Variants in PRKN observed in about 807,000 individuals in gnomAD.
The protein encoded by PRKN is parkin RBR E3 ubiquitin protein ligase.
In PRKN, 56 loss-of-function variants were observed where a neutral mutation model predicts 59.5. The observed-to-expected ratio is 0.94, with a 90% CI of 0.76 to 1.18. PRKN has a LOEUF of 1.18. PRKN is among the 50% of genes most tolerant of loss of function. The pLI, the probability that PRKN is intolerant of heterozygous loss-of-function variation, is 0.00. For missense variants in PRKN, 657 were observed against 596.4 expected (o/e 1.10, Z -1.06); for synonymous variants, 250 against 222.1 (o/e 1.13, Z -1.12).
At chr6:161,517,601 A>T (rs1487961444) in intron 9 of PRKN, among the ~76,000 whole-genome samples, 1 of 151,908 alleles carries the variant, frequency 6.6e-6, no homozygotes, top group African/African-American at 2.4e-5. Flanking sequence ...TTAGCCGGGC[A>T]TGGTGGCGGT....
At chr6:162,167,308 A>G (rs920960904) in intron 4 of PRKN, among the ~76,000 whole-genome samples, 4 of 152,182 alleles carry the variant, frequency 2.6e-5, no homozygotes, top group Non-Finnish European at 5.9e-5. Context: ...TGGATGGTAA[A>G]GCTGGAATGC....
intron 6 of PRKN, among the ~76,000 whole-genome samples, chr6:161,805,478 A>ACACACACACG (rs61442187): frequency 1.9e-4 from 29 of 149,474 alleles, no homozygotes; most frequent in African/African-American, 3.9e-4. Context: ...ACACACACAC[A>ACACACACACG]CATGCATGTA....
intron 3 of PRKN, among the ~76,000 whole-genome samples, chr6:162,214,770 G>T (rs577350811): frequency 6.6e-6 from 1 of 152,136 alleles, no homozygotes; most frequent in Non-Finnish European, 1.5e-5. Context: ...CTCTGAATTG[G>T]TCATGGTATC....
At position 161,460,424 on chromosome 6, in the gene PRKN, C is replaced by G. The variant is rs1236510712; in HGVS notation, c.1084-73547G>C. Among the ~76,000 whole-genome samples, 1 of 152,096 alleles carries G rather than the reference C, an allele frequency of 6.6e-6. No homozygotes were observed. Among genetic ancestry groups the G allele is most frequent in the East Asian group, 1.9e-4 (1 of 5,182 alleles). On this transcript the variant is annotated intron_variant, in intron 9 of 11. Coordinates refer to ENST00000366898, the MANE Select transcript of PRKN (RefSeq NM_004562.3). This position sits in a 1 kb window ranked among gnomAD's most constrained non-coding sequence, Gnocchi z 5.0. Reference sequence around the variant, plus strand: ...GATCTCTGGAATATAATGGGCTATACTTGGCATTGGAGTCATTTAGAAGGA... The same window carrying G: ...GATCTCTGGAATATAATGGGCTATAGTTGGCATTGGAGTCATTTAGAAGGA...
chr6:161,350,184 T>G lies in PRKN; in HGVS notation c.1313A>C (p.Gln438Pro). 6.2e-7 allele frequency: 1 copy of G among 1,613,588 alleles called. No individual in the cohort carries two copies. The highest frequency in any genetic ancestry group is 8.5e-7 in the Non-Finnish European group (1 of 1,179,898). ...NGGCMHMKCP[Q>P]PQCRLEWCWN... ...GCACCACTCGAGCCTGCACTGGGGC[T>G]GCGGACACTTCATGTGCATGCAGCC... Residue 438 changes from glutamine to proline, a missense_variant, in exon 12 of 12, where the codon CAG (glutamine) becomes CCG (proline). Transcript: ENST00000366898.
At chr6:161,366,982 CTTTTTT>C (rs57164972) in intron 10 of PRKN, among the ~76,000 whole-genome samples, 17 of 91,946 alleles carry the variant, frequency 1.8e-4, no homozygotes, top group Admixed American at 5.4e-4. Flanking sequence ...TTTTTGTTTC[CTTTTTT>C]TTTTTTTTTT....
At chr6:161,829,273 A>G (rs1233041886) in intron 6 of PRKN, among the ~76,000 whole-genome samples, 1 of 152,172 alleles carries the variant, frequency 6.6e-6, no homozygotes, top group African/African-American at 2.4e-5. Flanking sequence ...TAACAGCAGC[A>G]TAGTAAGAAG....
chr6:161,999,206 C>T (rs543294567), intron 5 of PRKN, among the ~76,000 whole-genome samples: 12 of 152,140 alleles, frequency 7.9e-5, no homozygotes, highest in South Asian at 4.1e-4. Flanking sequence ...GCAATAACAA[C>T]GAACAAAATC....
intron 7 of PRKN, among the ~76,000 whole-genome samples, chr6:161,623,399 C>A (rs1433221223): frequency 6.6e-6 from 1 of 152,176 alleles, no homozygotes; most frequent in African/African-American, 2.4e-5. Flanking sequence ...GTAGTATTCC[C>A]TAGCAACACA....
intron 1 of PRKN, among the ~76,000 whole-genome samples, chr6:162,685,154 G>A (rs558553002): frequency 3.9e-5 from 6 of 152,236 alleles, no homozygotes; most frequent in African/African-American, 1.4e-4. Context: ...AGATGTTGAT[G>A]ATGAAACCTA....
At chr6:161,877,609 G>A (rs1467455307) in intron 6 of PRKN, among the ~76,000 whole-genome samples, 2 of 151,548 alleles carry the variant, frequency 1.3e-5, no homozygotes, top group African/African-American at 2.4e-5. Context: ...ACAGGTGCCC[G>A]CCACCAAGCC....
chr6:161,683,491 C>G (rs181305792), intron 7 of PRKN, among the ~76,000 whole-genome samples: 3 of 152,332 alleles, frequency 2.0e-5, no homozygotes, highest in African/African-American at 7.2e-5. Context: ...ACCATTGCCT[C>G]TTTCTCTCAA....
intron 3 of PRKN, among the ~76,000 whole-genome samples, chr6:162,249,718 T>C (rs1297284625): frequency 6.6e-6 from 1 of 152,164 alleles, no homozygotes; most frequent in Non-Finnish European, 1.5e-5. Flanking sequence ...GCTATAGATT[T>C]GTAAAGCAAA....
chr6:161,469,214 G>C (rs1444111705), intron 9 of PRKN, among the ~76,000 whole-genome samples: 2 of 152,140 alleles, frequency 1.3e-5, no homozygotes, highest in Admixed American at 1.3e-4. Context: ...TATCCCCCAG[G>C]CTGTTCTTGT....
In PRKN at chr6:162,424,858, C is replaced by T. The variant is rs1217143661; in HGVS notation, c.171+18452G>A. 5.3e-5 allele frequency among the ~76,000 whole-genome samples: 8 copies of T among 151,960 alleles called. 1 individual carries two copies. In the East Asian group the frequency reaches 1.5e-3, roughly 29 times the overall value. On this transcript the variant is annotated intron_variant, in intron 2 of 11. Coordinates refer to ENST00000366898, the MANE Select transcript of PRKN (RefSeq NM_004562.3). ...GGTTGAGAATTTTCCACAATTTCCA[C>T]ACAATTTTGCTGTGAACCCAGAACT...
intron 1 of PRKN, among the ~76,000 whole-genome samples, chr6:162,526,298 A>C: frequency 6.6e-6 from 1 of 150,538 alleles, no homozygotes; most frequent in Non-Finnish European, 1.5e-5. Context: ...ACTACAAAAT[A>C]CTTGGTATCA....
intron 4 of PRKN, among the ~76,000 whole-genome samples, chr6:162,159,913 T>C (rs999314872): frequency 6.6e-6 from 1 of 152,192 alleles, no homozygotes; most frequent in African/African-American, 2.4e-5. Flanking sequence ...GGCTTGTACC[T>C]TGTAACATTT....
At chr6:161,532,201 ATGTG>A (rs778072073) in intron 9 of PRKN, among the ~76,000 whole-genome samples, 9 of 149,328 alleles carry the variant, frequency 6.0e-5, no homozygotes, top group Non-Finnish European at 1.2e-4. Context: ...TAATCTATCT[ATGTG>A]TCTATAAGTA....
intron 1 of PRKN, among the ~76,000 whole-genome samples, chr6:162,685,620 G>T (rs1779939815): frequency 6.6e-6 from 1 of 152,106 alleles, no homozygotes; most frequent in Non-Finnish European, 1.5e-5. Context: ...AGTTTAGCCA[G>T]AAAGAAGAAA....
Sources: gnomAD v4.1 joint callset for allele counts (sites outside exome capture counted in the v4.1 genomes callset) on GRCh38, gnomAD v4.1.1 for gene constraint, Gnocchi (gnomAD v3.1) non-coding constraint, MANE v1.5 for transcripts, NCBI Gene and HGNC (gene_info 2026-07-23, HGNC 2026-07-21) for gene names.